PCGF6: variants seen among roughly 807,000 people sequenced by gnomAD.
PCGF6 encodes polycomb group RING finger protein 6.
In PCGF6, 24 loss-of-function variants were observed where a neutral mutation model predicts 45.5. The ratio of observed to expected loss-of-function variants is 0.53; its 90% CI spans 0.38 to 0.74. The LOEUF (loss-of-function observed/expected upper bound fraction) is 0.74. Ranked by LOEUF, PCGF6 falls within the 30% of genes least tolerant of loss-of-function variation. The pLI is 0.00. For missense variants in PCGF6, 356 were observed against 443.2 expected (o/e 0.80, Z 1.77); for synonymous variants, 152 against 162.1 (o/e 0.94, Z 0.47).
chr10:103,308,634 A>C (rs1394117016), intron 9 of PCGF6, among the ~76,000 whole-genome samples: 1 of 152,026 alleles, frequency 6.6e-6, no homozygotes, highest in Non-Finnish European at 1.5e-5. Context: ...CACTTTGGAA[A>C]GCTGAGGCAG....
chr10:103,310,882 G>A (rs1008133698), intron 9 of PCGF6, among the ~76,000 whole-genome samples: 5 of 151,986 alleles, frequency 3.3e-5, no homozygotes, highest in South Asian at 2.1e-4. Context: ...TTTGTATTTC[G>A]TAGAGATGGG....
intron 6 of PCGF6, among the ~76,000 whole-genome samples, chr10:103,337,590 C>T (rs1170757231): frequency 6.6e-6 from 1 of 152,132 alleles, no homozygotes; most frequent in Non-Finnish European, 1.5e-5. Context: ...TTATAATCTA[C>T]TTTACACATA....
chr10:103,320,928 A>T (rs2093195016), intron 8 of PCGF6, among the ~76,000 whole-genome samples: 1 of 152,168 alleles, frequency 6.6e-6, no homozygotes, highest in Admixed American at 6.6e-5. Context: ...CAAGAATTGT[A>T]GTCTGATGAC....
At chr10:103,324,689 G>C (rs2093210309) in intron 8 of PCGF6, among the ~76,000 whole-genome samples, 2 of 150,768 alleles carry the variant, frequency 1.3e-5, no homozygotes, top group South Asian at 2.1e-4. Flanking sequence ...GAACCCGGGA[G>C]GCGGAGGTTG....
Position 103,348,912 on chromosome 10 carries a change from A to G in PCGF6, c.448T>C (p.Cys150Arg). The change falls in exon 2 of 10, where the codon TGT becomes CGT. Residue 150 changes from cysteine to arginine, a missense_variant. Transcript: ENST00000369847. ...TCGGTATGCTTACAGGTATGAAGACATTCTGTGATGGTAGTTGCATCTATT... is the reference window on the plus strand; with the variant it reads ...TCGGTATGCTTACAGGTATGAAGACGTTCTGTGATGGTAGTTGCATCTATT... ...YLIDATTITECLHTFCKSCIV... is the reference protein window; with the variant it reads ...YLIDATTITERLHTFCKSCIV... The G allele has an allele frequency of 1.6e-5, 25 of 1,612,482 alleles. No individual in the cohort carries two copies. The highest frequency in any genetic ancestry group is 2.0e-5 in the Non-Finnish European group (23 of 1,178,480).
chr10:103,332,200 C>T (rs2093242594), intron 7 of PCGF6, among the ~76,000 whole-genome samples: 1 of 152,122 alleles, frequency 6.6e-6, no homozygotes, highest in South Asian at 2.1e-4. Context: ...GATATTGCTA[C>T]CATGTTTTTT....
chr10:103,307,648 T>C (rs2093142685), intron 9 of PCGF6, among the ~76,000 whole-genome samples: 1 of 152,060 alleles, frequency 6.6e-6, no homozygotes, highest in Non-Finnish European at 1.5e-5. Flanking sequence ...AGTTTTTGTA[T>C]TTTTTGTAGA....
intron 1 of PCGF6, among the ~76,000 whole-genome samples, chr10:103,349,230 T>C (rs373304714): frequency 6.4e-4 from 97 of 151,738 alleles, no homozygotes; most frequent in Non-Finnish European, 1.1e-3. Context: ...GTATTTTTAG[T>C]AGAGATGGGG....
chr10:103,327,674 T>C (rs1354227664), intron 7 of PCGF6, among the ~76,000 whole-genome samples: 1 of 151,828 alleles, frequency 6.6e-6, no homozygotes, highest in Non-Finnish European at 1.5e-5. Flanking sequence ...TCTTTTTTTT[T>C]TCTTTTCTTT....
chr10:103,332,052 A>G (rs1362968413), intron 7 of PCGF6, among the ~76,000 whole-genome samples: 1 of 151,976 alleles, frequency 6.6e-6, no homozygotes, highest in Non-Finnish European at 1.5e-5. Flanking sequence ...TCGGCCTCCC[A>G]AAGTGCTGGG....
At chr10:103,322,266 T>C (rs970145602) in intron 8 of PCGF6, among the ~76,000 whole-genome samples, 7 of 152,018 alleles carry the variant, frequency 4.6e-5, no homozygotes, top group Non-Finnish European at 8.8e-5. Context: ...AGTGGTGCAA[T>C]CATGGATCAC....
chr10:103,317,021 AT>A (rs901818567), intron 8 of PCGF6, among the ~76,000 whole-genome samples: 6 of 151,838 alleles, frequency 4.0e-5, no homozygotes, highest in African/African-American at 7.3e-5. Context: ...ATTTTATTTT[AT>A]TTTTTTAGAC....
rs982083834 is a variant in PCGF6 at position 103,341,552 on chromosome 10, C to T, written c.782+3472G>A. Among the ~76,000 whole-genome samples the T allele has an allele frequency of 2.0e-5, 3 of 151,716 alleles. No individual in the cohort carries two copies. The East Asian group carries it at 5.9e-4, about 30-fold the overall frequency. ...CCTCTCGGATTCAAGTGATTCTCCT[C>T]CCTCAGCCTCCTGAATAGCTGGGAT... On this transcript the variant is annotated intron_variant, in intron 6 of 9. Coordinates refer to ENST00000369847, the MANE Select transcript of PCGF6 (RefSeq NM_001011663.2).
intron 8 of PCGF6, among the ~76,000 whole-genome samples, chr10:103,322,868 T>A (rs1479706321): frequency 1.4e-5 from 2 of 144,822 alleles, no homozygotes; most frequent in African/African-American, 2.6e-5. Flanking sequence ...CAGTATGTTA[T>A]CCTTGCCACC....
At chr10:103,349,765 G>A (rs1228426825) in intron 1 of PCGF6, among the ~76,000 whole-genome samples, 1 of 148,682 alleles carries the variant, frequency 6.7e-6, no homozygotes, top group Non-Finnish European at 1.5e-5. Context: ...GAGCCACACC[G>A]CGCCCAGCCA....
intron 9 of PCGF6, among the ~76,000 whole-genome samples, chr10:103,309,443 T>C (rs1210765084): frequency 6.6e-6 from 1 of 152,202 alleles, no homozygotes; most frequent in Non-Finnish European, 1.5e-5. Context: ...ATTCTCTCTC[T>C]TCTGGTTCCT....
In PCGF6 at chr10:103,350,904, C is replaced by T. The variant is rs2093318789; in HGVS notation, c.163G>A (p.Gly55Ser). The change falls in exon 1 of 10, where the codon GGC becomes AGC. Residue 55 changes from glycine (G) to serine (S), a missense_variant. Gly to Ser is a moderately conservative substitution (Grantham distance 56). This residue lies in a region of PCGF6 where 307 missense variants were observed against 350.1 expected (regional missense o/e 0.88). Coordinates refer to ENST00000369847, the MANE Select transcript of PCGF6 (RefSeq NM_001011663.2). Reference sequence around the variant, plus strand: ...TCAGGGGGCCGGGAGCCGGAGCAGCCGGGAGCCCCCGTCTCAGACAGAGGC... The same window carrying T: ...TCAGGGGGCCGGGAGCCGGAGCAGCTGGGAGCCCCCGTCTCAGACAGAGGC... ...PAPLSETGAPGCSGSRPPELE... is the reference protein window; with the variant it reads ...PAPLSETGAPSCSGSRPPELE... 1.3e-6 allele frequency: 2 copies of T among 1,524,468 alleles called. No individual in the cohort carries two copies. The highest frequency in any genetic ancestry group is 1.8e-6 in the Non-Finnish European group (2 of 1,139,694). The allele number at this position is 1,524,468 out of a possible 1,614,324, so 94.4% of individuals were successfully genotyped here.
intron 6 of PCGF6, among the ~76,000 whole-genome samples, chr10:103,339,807 AAAAACACACACACACACAC>A (rs2093272281): frequency 4.4e-5 from 2 of 45,134 alleles, no homozygotes; most frequent in East Asian, 8.5e-4. Flanking sequence ...GTCTCAAAAA[AAAAACACACACACACACAC>A]ACACACACAC....
At chr10:103,306,553 C>T (rs1477551130) in intron 9 of PCGF6, among the ~76,000 whole-genome samples, 1 of 152,152 alleles carries the variant, frequency 6.6e-6, no homozygotes, top group Non-Finnish European at 1.5e-5. Context: ...GCTGCTCTGG[C>T]TATTACTCTC....
Sources: gnomAD v4.1 joint callset for allele counts (sites outside exome capture counted in the v4.1 genomes callset) on GRCh38, gnomAD v4.1.1 for gene constraint, gnomAD v4.1.1 regional missense constraint, MANE v1.5 for transcripts, NCBI Gene and HGNC (gene_info 2026-07-23, HGNC 2026-07-21) for gene names.